CORO2B: variants seen among roughly 807,000 people sequenced by gnomAD.
CORO2B encodes the protein coronin-2B.
A neutral mutation model predicts 58.8 loss-of-function variants in CORO2B; 26 were observed. The ratio of observed to expected loss-of-function variants is 0.44; its 90% CI spans 0.32 to 0.61. CORO2B has a LOEUF of 0.61. Ranked by LOEUF, CORO2B falls within the 20% of genes least tolerant of loss-of-function variation. The pLI, the probability that CORO2B is intolerant of heterozygous loss-of-function variation, is 0.04. For missense variants in CORO2B, 460 were observed against 645.1 expected, an observed-to-expected ratio of 0.71 and a Z score of 3.11; for synonymous variants, 242 against 253.8, an observed-to-expected ratio of 0.95 and a Z score of 0.44.
intron 8 of CORO2B, among the ~76,000 whole-genome samples, chr15:68,716,610 C>T (rs1181002555): frequency 2.0e-5 from 3 of 152,190 alleles, no homozygotes; most frequent in African/African-American, 7.2e-5. Flanking sequence ...AAATGGTGTG[C>T]TAGAACAGAA....
chr15:68,712,220 C>T (rs1229670346), intron 5 of CORO2B, among the ~76,000 whole-genome samples: 1 of 152,084 alleles, frequency 6.6e-6, no homozygotes, highest in South Asian at 2.1e-4. Context: ...TTTTGAGCAC[C>T]TGCTGTGTGC....
At chr15:68,586,382 AAGTTG>A (rs1899559200) in intron 1 of CORO2B, among the ~76,000 whole-genome samples, 1 of 152,068 alleles carries the variant, frequency 6.6e-6, no homozygotes, top group African/African-American at 2.4e-5. Flanking sequence ...AAGTGACTTT[AAGTTG>A]AGTCATGAAG....
chr15:68,647,213 C>A (rs1901462318), intron 2 of CORO2B, among the ~76,000 whole-genome samples: 1 of 152,146 alleles, frequency 6.6e-6, no homozygotes, highest in South Asian at 2.1e-4. Context: ...AGCCAGGAAT[C>A]CCCCAAATCA....
chr15:68,560,926 G>A, the CORO2B span, among the ~76,000 whole-genome samples: 2 of 152,174 alleles, frequency 1.3e-5, no homozygotes, highest in Non-Finnish European at 2.9e-5. Context: ...CCACTCTTCT[G>A]GGTTTCCCAT....
intron 2 of CORO2B, among the ~76,000 whole-genome samples, chr15:68,684,453 G>A (rs1210722200): frequency 6.6e-6 from 1 of 152,266 alleles, no homozygotes; most frequent in African/African-American, 2.4e-5. Flanking sequence ...GGCCAGGGCA[G>A]AAAGGACCAC....
chr15:68,723,925 G>T (rs746420082), intron 11 of CORO2B, among the ~76,000 whole-genome samples: 5 of 152,016 alleles, frequency 3.3e-5, no homozygotes, highest in Non-Finnish European at 7.4e-5. Context: ...ATAAAAGTAG[G>T]CCGGGGTGGT....
chr15:68,546,394 T>A, the CORO2B span, among the ~76,000 whole-genome samples: 1 of 152,182 alleles, frequency 6.6e-6, no homozygotes, highest in Non-Finnish European at 1.5e-5. Flanking sequence ...GAATCCTGGC[T>A]TAGCTACCGC....
intron 1 of CORO2B, among the ~76,000 whole-genome samples, chr15:68,630,477 G>A (rs1900799124): frequency 6.6e-6 from 1 of 151,924 alleles, no homozygotes; most frequent in Admixed American, 6.6e-5. Context: ...GGGGCTCTGT[G>A]GTCTCTGGGC....
At chr15:68,616,576 CA>C (rs1363313567) in intron 1 of CORO2B, 1 of 985,348 alleles carries the variant, frequency 1.0e-6, no homozygotes, top group Non-Finnish European at 1.2e-6. Context: ...GGCCATTGTG[CA>C]AGTCTTCCAG....
intron 2 of CORO2B, among the ~76,000 whole-genome samples, chr15:68,688,061 A>G (rs1020312006): frequency 4.6e-5 from 7 of 152,252 alleles, no homozygotes; most frequent in African/African-American, 1.7e-4. Flanking sequence ...GAACAAATAC[A>G]TTGATGTTGC....
At chr15:68,595,710 T>C (rs954616750) in intron 1 of CORO2B, among the ~76,000 whole-genome samples, 27 of 152,372 alleles carry the variant, frequency 1.8e-4, no homozygotes, top group African/African-American at 6.0e-4. Context: ...ACCTGCTCCA[T>C]GCCAGGCTCT....
the CORO2B span, among the ~76,000 whole-genome samples, chr15:68,550,893 C>A: frequency 2.6e-5 from 4 of 152,214 alleles, no homozygotes; most frequent in Non-Finnish European, 5.9e-5. Flanking sequence ...TCGAACGCAG[C>A]CCACCTGCCT....
At chr15:68,548,397 G>A in the CORO2B span, among the ~76,000 whole-genome samples, 1 of 151,942 alleles carries the variant, frequency 6.6e-6, no homozygotes, top group Admixed American at 6.6e-5. Flanking sequence ...TGGTGTTCTG[G>A]CAAATGTTTA....
chr15:68,669,557 G>A (rs1415758635), intron 2 of CORO2B, among the ~76,000 whole-genome samples: 1 of 152,096 alleles, frequency 6.6e-6, no homozygotes, highest in Non-Finnish European at 1.5e-5. Flanking sequence ...ATCTATTCCC[G>A]GGACTGACCT....
upstream of CORO2B, among the ~76,000 whole-genome samples, chr15:68,575,921 G>A (rs1041674961): frequency 5.3e-5 from 8 of 151,636 alleles, no homozygotes; most frequent in East Asian, 2.0e-4. Flanking sequence ...TTGGGAGGCC[G>A]AGGCGGGCAG....
the CORO2B span, among the ~76,000 whole-genome samples, chr15:68,547,946 G>C: frequency 1.3e-5 from 2 of 152,060 alleles, no homozygotes; most frequent in African/African-American, 4.8e-5. Flanking sequence ...TGAGGCGGGT[G>C]GATCACTTGA....
intron 2 of CORO2B, among the ~76,000 whole-genome samples, chr15:68,658,398 G>A (rs551315440): frequency 6.6e-6 from 1 of 152,394 alleles, no homozygotes; most frequent in African/African-American, 2.4e-5. Flanking sequence ...CCTCCTTCCT[G>A]CCTTCGGCCA....
In CORO2B at chr15:68,711,545, C is replaced by G; in HGVS notation, c.487C>G (p.Leu163Val). The G allele has an allele frequency of 6.2e-7, 1 of 1,610,816 alleles. No individual in the cohort carries two copies. Among genetic ancestry groups the G allele is most frequent in the Non-Finnish European group, 8.5e-7 (1 of 1,177,848 alleles). ...TCCCATGCATCTGCCCTCGCAGGTCCTCATCTGGAACCTGGATGTGGGTGA... is the reference window on the plus strand; with the variant it reads ...TCCCATGCATCTGCCCTCGCAGGTCGTCATCTGGAACCTGGATGTGGGTGA... Reference protein sequence around the residue: ...LFSAGYDYKVLIWNLDVGEPV... With the variant: ...LFSAGYDYKVVIWNLDVGEPV... Residue 163 changes from leucine to valine, a missense_variant, in exon 5 of 12, where the codon CTC (leucine) becomes GTC (valine). This residue lies in a region of CORO2B where 352 missense variants were observed against 543.0 expected (regional missense o/e 0.65). Coordinates refer to ENST00000261861, the MANE Select transcript of CORO2B (RefSeq NM_006091.5).
chr15:68,622,585 G>A (rs750143151), intron 1 of CORO2B, among the ~76,000 whole-genome samples: 32 of 152,156 alleles, frequency 2.1e-4, no homozygotes, highest in Non-Finnish European at 1.5e-4. Context: ...AAATCCTATC[G>A]TTGGACCTCA....
Sources: allele counts gnomAD v4.1 joint callset (sites outside exome capture counted in the v4.1 genomes callset), GRCh38; gene constraint gnomAD v4.1.1; regional missense constraint gnomAD v4.1.1; transcripts MANE v1.5; gene names NCBI Gene and HGNC (gene_info 2026-07-23, HGNC 2026-07-21).